The following C3orf20 variants were observed in gnomAD, a reference collection of about 807,000 sequenced individuals.
The protein encoded by C3orf20 is family with sequence similarity 149 member C.
C3orf20 carries 76 observed loss-of-function variants against 88.3 expected under a neutral mutation model. That is an observed-to-expected ratio of 0.86 (90% CI 0.72 to 1.04). The LOEUF (loss-of-function observed/expected upper bound fraction) is 1.04. C3orf20 is among the 50% of genes least tolerant of loss of function. The pLI is 0.00. For synonymous variants in C3orf20, 436 were observed against 437.4 expected, an observed-to-expected ratio of 1.00 and a Z score of 0.04; for missense variants, 1,056 against 1,123.3, an observed-to-expected ratio of 0.94 and a Z score of 0.86.
intron 1 of C3orf20, among the ~76,000 whole-genome samples, chr3:14,678,678 A>G (rs2031921809): frequency 6.6e-6 from 1 of 152,192 alleles, no homozygotes; most frequent in African/African-American, 2.4e-5. Flanking sequence ...GTTTATAGCC[A>G]TCTGCGTGGG....
At chr3:14,756,028 C>CAAAAAA (rs56242160) in intron 12 of C3orf20, among the ~76,000 whole-genome samples, 78 of 72,554 alleles carry the variant, frequency 1.1e-3, no homozygotes, top group Non-Finnish European at 1.3e-3. Flanking sequence ...GACTCCATCT[C>CAAAAAA]AAAAAAAAAA....
intron 7 of C3orf20, 102 bp from the exon 8 acceptor site, chr3:14,713,905 A>G (rs2033842017): frequency 7.7e-7 from 1 of 1,296,604 alleles, no homozygotes; most frequent in Non-Finnish European, 1.1e-6. Flanking sequence ...AGAATGATGC[A>G]CCAAATAGCT....
Position 14,772,996 on chromosome 3 carries a change from C to T in C3orf20, c.*121C>T, listed in dbSNP as rs908621848. On this transcript the variant is annotated 3_prime_UTR_variant, in exon 17 of 17. Transcript: ENST00000253697. The surrounding 1 kb of genome is among the most constrained non-coding windows in gnomAD (Gnocchi z 4.2). ...CCTCCAAGCTTCTATAATAAACCAG[C>T]GGGCCTCCAGCATTGGGGTGAGGCT... 2.7e-6 allele frequency: 2 copies of T among 736,940 alleles called. No individual in the cohort carries two copies. Among genetic ancestry groups the T allele is most frequent in the African/African-American group, 1.8e-5 (1 of 56,986 alleles). 45.7% of individuals were successfully genotyped at this position (736,940 alleles called of 1,614,324 possible).
chr3:14,680,293 T>C (rs1029145717), intron 1 of C3orf20, among the ~76,000 whole-genome samples: 5 of 152,186 alleles, frequency 3.3e-5, no homozygotes, highest in African/African-American at 1.2e-4. Context: ...TTGTGGTATA[T>C]CCATACAGTG....
chr3:14,744,912 AC>A (rs1318579290), intron 12 of C3orf20, among the ~76,000 whole-genome samples: 1 of 152,200 alleles, frequency 6.6e-6, no homozygotes, highest in Admixed American at 6.5e-5. Flanking sequence ...ACACAGCCAA[AC>A]CATATCATTG....
rs1374650231 is a variant in C3orf20 at position 14,682,663 on chromosome 3, T to G, written c.-51T>G. On this transcript the variant is annotated 5_prime_UTR_variant, in exon 3 of 17. Coordinates refer to ENST00000253697, the MANE Select transcript of C3orf20 (RefSeq NM_032137.5). ...AGCCTTCACCGTAGGGAAGAACTTT[T>G]GCTCTCAGTCACCTCTCAGAGAGCT... 1 of 1,548,296 alleles carries G rather than the reference T, an allele frequency of 6.5e-7. No individual in the cohort carries two copies. The highest frequency in any genetic ancestry group is 1.3e-5 in the South Asian group (1 of 79,476).
chr3:14,698,690 C>T (rs1360999464), intron 5 of C3orf20, among the ~76,000 whole-genome samples: 8 of 152,220 alleles, frequency 5.3e-5, no homozygotes, highest in Non-Finnish European at 1.2e-4. Flanking sequence ...CCCCTGTGGC[C>T]ACCACCACTG....
At chr3:14,741,287 G>A (rs7610462) in intron 12 of C3orf20, among the ~76,000 whole-genome samples, 11,884 of 152,088 alleles carry the variant, frequency 0.078, 969 homozygotes, top group African/African-American at 0.21. Flanking sequence ...CTTCTACCTC[G>A]GTGGGCCCTG....
chr3:14,772,316 TC>T lies in C3orf20; in HGVS notation c.2630+116del, dbSNP rs1176325370. ...GCGTGGCCTGGGTCATGTCCAACCA[TC>T]GCTGACATCTAGCCCATGTAATCAA... is the stretch of plus-strand genomic sequence containing the variant. On this transcript the variant is annotated intron_variant, in intron 16 of 16. Transcript: ENST00000253697. This position sits in a 1 kb window ranked among gnomAD's most constrained non-coding sequence, Gnocchi z 4.2. 38 of 1,313,980 alleles carry T rather than the reference TC, an allele frequency of 2.9e-5. No individual in the cohort carries two copies. The highest frequency in any genetic ancestry group is 4.0e-5 in the Non-Finnish European group (37 of 934,642). The allele number at this position is 1,313,980 out of a possible 1,614,324, so 81.4% of individuals were successfully genotyped here. A position where few individuals can be genotyped will look rare whatever the true frequency, so the allele number is the denominator to read the frequency against.
chr3:14,755,185 A>G (rs2035327920), intron 12 of C3orf20, among the ~76,000 whole-genome samples: 1 of 151,802 alleles, frequency 6.6e-6, no homozygotes, highest in African/African-American at 2.4e-5. Flanking sequence ...AGTTTCAAAT[A>G]TGTTTCTCGG....
chr3:14,699,321 A>C (rs899493578), intron 5 of C3orf20, among the ~76,000 whole-genome samples: 15 of 152,310 alleles, frequency 9.8e-5, no homozygotes, highest in African/African-American at 3.1e-4. Context: ...AAGCAGAAGG[A>C]GTCCCTCACT....
chr3:14,764,317 C>T (rs1433404402), intron 15 of C3orf20, among the ~76,000 whole-genome samples: 1 of 152,064 alleles, frequency 6.6e-6, no homozygotes, highest in Non-Finnish European at 1.5e-5. Flanking sequence ...CAGTAGGACT[C>T]CTCCTAATCC....
chr3:14,761,885 G>A (rs557548967), intron 15 of C3orf20, among the ~76,000 whole-genome samples: 1 of 152,226 alleles, frequency 6.6e-6, no homozygotes, highest in Non-Finnish European at 1.5e-5. Flanking sequence ...GGGTTTCTTT[G>A]GGACACAAGT....
At chr3:14,761,911 C>T (rs1013363370) in intron 15 of C3orf20, among the ~76,000 whole-genome samples, 2 of 152,178 alleles carry the variant, frequency 1.3e-5, no homozygotes, top group Admixed American at 1.3e-4. Flanking sequence ...AAAAGAGCCC[C>T]CTTGGGGAAA....
chr3:14,727,129 C>T (rs2034379703), intron 11 of C3orf20, 105 bp downstream of exon 11: 1 of 1,285,176 alleles, frequency 7.8e-7, no homozygotes, highest in East Asian at 2.3e-5. Context: ...CCGCCCATTC[C>T]ATCTTCAGTC....
chr3:14,695,895 T>A (rs1196252062), intron 5 of C3orf20, among the ~76,000 whole-genome samples: 1 of 152,140 alleles, frequency 6.6e-6, no homozygotes, highest in Non-Finnish European at 1.5e-5. Context: ...TAGAGTGTGC[T>A]TCTGATCATG....
At chr3:14,761,248 A>G (rs1173887498) in intron 14 of C3orf20, among the ~76,000 whole-genome samples, 1 of 142,566 alleles carries the variant, frequency 7.0e-6, no homozygotes, top group African/African-American at 2.6e-5. Flanking sequence ...TCATAGGGCA[A>G]CCCCACCGTC....
At chr3:14,692,812 A>C (rs2032798458) in intron 5 of C3orf20, among the ~76,000 whole-genome samples, 1 of 152,190 alleles carries the variant, frequency 6.6e-6, no homozygotes, top group Non-Finnish European at 1.5e-5. Context: ...TGCCCACTCC[A>C]ACGTCCTGGA....
At chr3:14,683,530 T>G (rs1254489457) in intron 3 of C3orf20, among the ~76,000 whole-genome samples, 2 of 151,980 alleles carry the variant, frequency 1.3e-5, no homozygotes, top group African/African-American at 4.8e-5. Context: ...CAGGGCTGAT[T>G]GGGAAGTAGC....
Sources: gnomAD v4.1 joint callset for allele counts (sites outside exome capture counted in the v4.1 genomes callset) on GRCh38, gnomAD v4.1.1 for gene constraint, Gnocchi (gnomAD v3.1) non-coding constraint, MANE v1.5 for transcripts, NCBI Gene and HGNC (gene_info 2026-07-23, HGNC 2026-07-21) for gene names.